The following MIPOL1 variants were observed in gnomAD, a reference collection of about 807,000 sequenced individuals.
MIPOL1 encodes mirror-image polydactyly 1.
A neutral mutation model predicts 60.9 loss-of-function variants in MIPOL1; 57 were observed. The observed-to-expected ratio is 0.94, with a 90% CI of 0.76 to 1.17. The LOEUF is 1.17. Ranked by LOEUF, MIPOL1 falls within the 50% of genes most tolerant of loss-of-function variation. The pLI is 0.00. For missense variants in MIPOL1, 551 were observed against 511.6 expected (o/e 1.08, Z -0.74); for synonymous variants, 179 against 168.8 (o/e 1.06, Z -0.47).
chr14:37,300,095 A>G (rs2086238070), intron 7 of MIPOL1, among the ~76,000 whole-genome samples: 1 of 151,746 alleles, frequency 6.6e-6, no homozygotes, highest in Non-Finnish European at 1.5e-5. Flanking sequence ...TACTATCAGT[A>G]ATATTAACCT....
At chr14:37,216,208 AAG>A (rs1294267330) in intron 1 of MIPOL1, among the ~76,000 whole-genome samples, 1 of 152,208 alleles carries the variant, frequency 6.6e-6, no homozygotes, top group Non-Finnish European at 1.5e-5. Flanking sequence ...TATAATGAAA[AAG>A]GGGTCAATTC....
At chr14:37,280,445 A>G (rs182825685) in intron 6 of MIPOL1, among the ~76,000 whole-genome samples, 1 of 152,156 alleles carries the variant, frequency 6.6e-6, no homozygotes, top group Non-Finnish European at 1.5e-5. Context: ...AACATTGTGT[A>G]ATGGTTTGCT....
At chr14:37,522,663 T>C (rs906195961) in intron 12 of MIPOL1, among the ~76,000 whole-genome samples, 1 of 152,164 alleles carries the variant, frequency 6.6e-6, no homozygotes, top group Non-Finnish European at 1.5e-5. Flanking sequence ...AAACTGTGAA[T>C]GAACACATGA....
chr14:37,456,155 AAAAT>A (rs1449592384), intron 11 of MIPOL1, among the ~76,000 whole-genome samples: 1 of 152,060 alleles, frequency 6.6e-6, no homozygotes, highest in Non-Finnish European at 1.5e-5. Context: ...TTGCAGGAAT[AAAAT>A]AAATAAGACA....
intron 10 of MIPOL1, among the ~76,000 whole-genome samples, chr14:37,371,284 T>C (rs1482912773): frequency 6.6e-6 from 1 of 152,034 alleles, no homozygotes; most frequent in African/African-American, 2.4e-5. Context: ...CAAGCCTGGC[T>C]AATTTTTGTG....
At chr14:37,307,988 A>G in intron 7 of MIPOL1, 68 bp from the exon 8 acceptor site, 1 of 1,345,942 alleles carries the variant, frequency 7.4e-7, no homozygotes. Flanking sequence ...AAAGATTTAA[A>G]AAGCGAACTC....
intron 11 of MIPOL1, among the ~76,000 whole-genome samples, chr14:37,431,445 T>C (rs2094062709): frequency 6.6e-6 from 1 of 152,076 alleles, no homozygotes; most frequent in African/African-American, 2.4e-5. Context: ...TCCTGAAACT[T>C]TATTTTCACC....
chr14:37,345,705 G>T (rs1291283015), intron 9 of MIPOL1, among the ~76,000 whole-genome samples: 1 of 152,048 alleles, frequency 6.6e-6, no homozygotes, highest in Non-Finnish European at 1.5e-5. Flanking sequence ...CAGGTGCTAG[G>T]GGTCCTCATT....
chr14:37,211,312 G>A (rs1966840796), intron 1 of MIPOL1, among the ~76,000 whole-genome samples: 1 of 151,966 alleles, frequency 6.6e-6, no homozygotes, highest in South Asian at 2.1e-4. Flanking sequence ...GCTGAAAGAG[G>A]TACTGAAGAG....
chr14:37,290,616 C>T (rs189785723), intron 7 of MIPOL1, among the ~76,000 whole-genome samples: 1 of 152,052 alleles, frequency 6.6e-6, no homozygotes, highest in East Asian at 1.9e-4. Flanking sequence ...GGCAATTGTT[C>T]ATCATTCTTT....
At chr14:37,224,313 T>G (rs1443100427) in intron 1 of MIPOL1, among the ~76,000 whole-genome samples, 3 of 152,094 alleles carry the variant, frequency 2.0e-5, no homozygotes, top group Non-Finnish European at 4.4e-5. Context: ...GACCCCATCT[T>G]TACCAAAAAT....
intron 10 of MIPOL1, among the ~76,000 whole-genome samples, chr14:37,394,844 C>G (rs1398490968): frequency 6.6e-6 from 1 of 152,104 alleles, no homozygotes; most frequent in African/African-American, 2.4e-5. Context: ...TTGCCTAAGC[C>G]AGTATCTATA....
chr14:37,539,001 G>C (rs2095518715), intron 12 of MIPOL1, among the ~76,000 whole-genome samples: 1 of 152,060 alleles, frequency 6.6e-6, no homozygotes, highest in South Asian at 2.1e-4. Context: ...AGGAGATCGA[G>C]ACTGTCCTGG....
intron 1 of MIPOL1, among the ~76,000 whole-genome samples, chr14:37,209,199 T>C (rs552164910): frequency 6.6e-6 from 1 of 152,350 alleles, no homozygotes; most frequent in Admixed American, 6.5e-5. Flanking sequence ...TATTTTGATA[T>C]AGCTATGTCA....
At chr14:37,315,094 G>C (rs2153439846) in intron 9 of MIPOL1, among the ~76,000 whole-genome samples, 1 of 152,250 alleles carries the variant, frequency 6.6e-6, no homozygotes, top group East Asian at 1.9e-4. Context: ...GCTGGGGGGT[G>C]GGATTATCAC....
At chr14:37,273,264 G>T (rs926421379) in intron 6 of MIPOL1, among the ~76,000 whole-genome samples, 25 of 150,552 alleles carry the variant, frequency 1.7e-4, no homozygotes, top group Admixed American at 4.0e-4. Flanking sequence ...AATGTTGGTG[G>T]TCTTTAAGTG....
At chr14:37,218,179 A>AATT (rs1332717120) in intron 1 of MIPOL1, among the ~76,000 whole-genome samples, 1 of 151,274 alleles carries the variant, frequency 6.6e-6, no homozygotes, top group Admixed American at 6.6e-5. Context: ...ATCTTTTTTT[A>AATT]ATTATTATTA....
intron 10 of MIPOL1, among the ~76,000 whole-genome samples, chr14:37,391,269 A>T (rs1415099669): frequency 2.0e-5 from 3 of 152,208 alleles, no homozygotes; most frequent in Admixed American, 1.3e-4. Context: ...TGAAAAACAT[A>T]GTAAAGGGGT....
chr14:37,314,269 A>G (rs1288121957), intron 9 of MIPOL1, among the ~76,000 whole-genome samples: 1 of 152,144 alleles, frequency 6.6e-6, no homozygotes, highest in African/African-American at 2.4e-5. Context: ...TTCAACATTG[A>G]TAGAAAACCC....
Sources: allele counts gnomAD v4.1 joint callset (sites outside exome capture counted in the v4.1 genomes callset), GRCh38; gene constraint gnomAD v4.1.1; transcripts MANE v1.5; gene names NCBI Gene and HGNC (gene_info 2026-07-23, HGNC 2026-07-21).